OR56A3: variants seen among roughly 807,000 people sequenced by gnomAD.
OR56A3 encodes olfactory receptor family 56 subfamily A member 3.
A neutral mutation model predicts 17.5 loss-of-function variants in OR56A3; 23 were observed. The ratio of observed to expected loss-of-function variants is 1.32; its 90% CI spans 0.95 to 1.87. The LOEUF (loss-of-function observed/expected upper bound fraction) is 1.87. Among genes scored for constraint, OR56A3 ranks in the 40% most tolerant of loss-of-function variants. OR56A3 has a pLI of 0.00. For synonymous variants in OR56A3, 175 were observed against 150.6 expected (o/e 1.16, Z -1.19); for missense variants, 366 against 380.1 (o/e 0.96, Z 0.31).
the OR56A3 span, among the ~76,000 whole-genome samples, chr11:5,956,937 C>T: frequency 6.6e-6 from 1 of 152,076 alleles, no homozygotes; most frequent in East Asian, 1.9e-4. Context: ...CAGGCAATTC[C>T]CTGAGGTCAG....
the OR56A3 span, among the ~76,000 whole-genome samples, chr11:5,991,500 G>A: frequency 6.6e-6 from 1 of 152,174 alleles, no homozygotes; most frequent in Non-Finnish European, 1.5e-5. Flanking sequence ...AAGCCAGGAG[G>A]AGAAAGTTTG....
the OR56A3 span, chr11:6,021,326 GT>G: frequency 6.6e-6 from 1 of 151,960 alleles, no homozygotes; most frequent in Admixed American, 6.6e-5. Context: ...AAGTACTAGT[GT>G]TTTACAGAAC....
At chr11:6,007,714 T>C in the OR56A3 span, among the ~76,000 whole-genome samples, 1 of 152,062 alleles carries the variant, frequency 6.6e-6, no homozygotes, top group Non-Finnish European at 1.5e-5. Flanking sequence ...AATACACCAG[T>C]AAGGAAGAAA....
At chr11:5,988,143 T>C in the OR56A3 span, among the ~76,000 whole-genome samples, 1 of 152,202 alleles carries the variant, frequency 6.6e-6, no homozygotes, top group South Asian at 2.1e-4. Context: ...TCCAAATTCC[T>C]TTATCTGAAT....
chr11:5,970,015 G>A, the OR56A3 span, among the ~76,000 whole-genome samples: 17 of 152,154 alleles, frequency 1.1e-4, 1 homozygote, highest in African/African-American at 3.9e-4. Flanking sequence ...AAAGTTTCAC[G>A]AAACAAAAAA....
At chr11:5,962,730 G>A in the OR56A3 span, among the ~76,000 whole-genome samples, 1 of 151,892 alleles carries the variant, frequency 6.6e-6, no homozygotes, top group Admixed American at 6.6e-5. Flanking sequence ...AGTAGAGATG[G>A]GGTTTCACCT....
chr11:5,993,799 TA>T, the OR56A3 span: 1 of 275,498 alleles, frequency 3.6e-6, no homozygotes, highest in South Asian at 4.1e-5. Context: ...CTTTAACATG[TA>T]ACCAACATTT....
chr11:5,990,344 G>A, the OR56A3 span, among the ~76,000 whole-genome samples: 83 of 152,316 alleles, frequency 5.4e-4, no homozygotes, highest in Non-Finnish European at 9.9e-4. Flanking sequence ...AAACAGTGGC[G>A]TGTCTTTTGA....
the OR56A3 span, among the ~76,000 whole-genome samples, chr11:5,975,685 T>C: frequency 0.03 from 4,530 of 152,134 alleles, 75 homozygotes; most frequent in Middle Eastern, 0.071. Context: ...CATGTGTCTT[T>C]ATAGCAGCAT....
the OR56A3 span, among the ~76,000 whole-genome samples, chr11:5,974,521 G>A: frequency 6.6e-6 from 1 of 152,218 alleles, no homozygotes; most frequent in Non-Finnish European, 1.5e-5. Context: ...CACTTAACAT[G>A]AGATGCTAGG....
chr11:5,991,386 C>A, the OR56A3 span, among the ~76,000 whole-genome samples: 1 of 152,170 alleles, frequency 6.6e-6, no homozygotes, highest in Admixed American at 6.5e-5. Context: ...CCCTTTCCCC[C>A]ACTGTCATAG....
At chr11:5,976,279 A>G in the OR56A3 span, among the ~76,000 whole-genome samples, 1 of 152,062 alleles carries the variant, frequency 6.6e-6, no homozygotes, top group Non-Finnish European at 1.5e-5. Flanking sequence ...GAGAAGGAAT[A>G]GGAAGTGAAG....
chr11:6,016,297 T>C, the OR56A3 span, among the ~76,000 whole-genome samples: 26 of 152,294 alleles, frequency 1.7e-4, 1 homozygote, highest in South Asian at 5.4e-3. Flanking sequence ...ATGCTTCTTG[T>C]ACAGCCTGAG....
chr11:5,984,567 C>T, the OR56A3 span, among the ~76,000 whole-genome samples: 1 of 152,132 alleles, frequency 6.6e-6, no homozygotes, highest in Non-Finnish European at 1.5e-5. Context: ...ATACATCATA[C>T]CCTGATTTTC....
chr11:5,965,471 G>C, the OR56A3 span, among the ~76,000 whole-genome samples: 1 of 152,098 alleles, frequency 6.6e-6, no homozygotes, highest in Non-Finnish European at 1.5e-5. Flanking sequence ...TGGTAGGTAA[G>C]ATTGCATTGA....
At chr11:5,968,507 C>A in the OR56A3 span, 2 of 1,531,610 alleles carry the variant, frequency 1.3e-6, no homozygotes, top group Non-Finnish European at 1.8e-6. Flanking sequence ...AATAAATCCT[C>A]AGCTGAGAAA....
the OR56A3 span, chr11:5,994,875 C>G: frequency 1.3e-6 from 1 of 759,180 alleles, no homozygotes; most frequent in Non-Finnish European, 2.4e-6. Flanking sequence ...CTCACTCTGT[C>G]CGGGTAGGAG....
the OR56A3 span, among the ~76,000 whole-genome samples, chr11:5,964,327 G>A: frequency 6.6e-6 from 1 of 152,166 alleles, no homozygotes; most frequent in Non-Finnish European, 1.5e-5. Context: ...CCATTGAAAA[G>A]GTAGGTAGTT....
chr11:5,950,305 G>GTTA lies in OR56A3; in HGVS notation c.*2012_*2013insTAT, dbSNP rs1465476555. On this transcript the variant is annotated 3_prime_UTR_variant, in exon 3 of 3. Transcript: ENST00000641160. ...AAAAGGACATATTGAGGGATTTAGA[G>GTTA]TACATACCTCCCTGAGATTAAGAAA... 2.6e-5 allele frequency: 4 copies of GTTA among 152,214 alleles called. No individual in the cohort carries two copies. Among genetic ancestry groups the GTTA allele is most frequent in the African/African-American group, 9.6e-5 (4 of 41,558 alleles). 9.4% of individuals were successfully genotyped at this position (152,214 alleles called of 1,614,324 possible).
Sources: allele counts gnomAD v4.1 joint callset (sites outside exome capture counted in the v4.1 genomes callset), GRCh38; gene constraint gnomAD v4.1.1; transcripts MANE v1.5; gene names NCBI Gene and HGNC (gene_info 2026-07-23, HGNC 2026-07-21).